Variants in OTUD7B observed in about 807,000 individuals in gnomAD.
The protein encoded by OTUD7B is OTU domain-containing protein 7B.
OTUD7B carries 34 observed loss-of-function variants against 82.2 expected under a neutral mutation model. That is an observed-to-expected ratio of 0.41 (90% CI 0.31 to 0.55). OTUD7B has a LOEUF of 0.55. Ranked by LOEUF, OTUD7B falls within the 20% of genes least tolerant of loss-of-function variation. OTUD7B has a pLI of 0.20. For synonymous variants in OTUD7B, 398 were observed against 402.7 expected, an observed-to-expected ratio of 0.99 and a Z score of 0.14; for missense variants, 944 against 1,062.1, an observed-to-expected ratio of 0.89 and a Z score of 1.55.
intron 1 of OTUD7B, among the ~76,000 whole-genome samples, chr1:149,987,482 A>G (rs587724219): frequency 1.3e-5 from 2 of 152,328 alleles, no homozygotes; most frequent in East Asian, 1.9e-4. Context: ...AAAATGGGGG[A>G]AATGTATGCA....
chr1:150,059,910 T>C, the OTUD7B span, among the ~76,000 whole-genome samples: 1 of 152,164 alleles, frequency 6.6e-6, no homozygotes, highest in Non-Finnish European at 1.5e-5. Context: ...CAATATGAAT[T>C]ACATGATCCA....
At chr1:149,965,015 C>A (rs1649432701) in intron 5 of OTUD7B, among the ~76,000 whole-genome samples, 2 of 151,440 alleles carry the variant, frequency 1.3e-5, no homozygotes, top group Admixed American at 6.6e-5. Flanking sequence ...GCCTCAGCCT[C>A]CCTAGTAGCT....
At chr1:149,962,786 G>C (rs1649247611) in intron 6 of OTUD7B, 1 of 152,130 alleles carries the variant, frequency 6.6e-6, no homozygotes, top group Admixed American at 6.6e-5. Flanking sequence ...TAAGGTTCCG[G>C]TATTATCTGA....
chr1:150,014,396 C>A (rs1249634360), upstream of OTUD7B, among the ~76,000 whole-genome samples: 528 of 116,876 alleles, frequency 4.5e-3, no homozygotes, highest in South Asian at 6.2e-3. Flanking sequence ...GAAAGTGTCT[C>A]AAAAAAAAAA....
At chr1:150,065,705 A>G in the OTUD7B span, among the ~76,000 whole-genome samples, 1 of 152,224 alleles carries the variant, frequency 6.6e-6, no homozygotes, top group African/African-American at 2.4e-5. Context: ...TTCTATTTTT[A>G]GAGGTATGGG....
rs1553771736 is a variant in OTUD7B at position 149,944,929 on chromosome 1, T to C, written c.1460A>G (p.Lys487Arg). The C allele has an allele frequency of 6.2e-7, 1 of 1,614,196 alleles. No individual in the cohort carries two copies. Among genetic ancestry groups the C allele is most frequent in the African/African-American group, 1.3e-5 (1 of 75,036 alleles). Reference protein sequence around the residue: ...TSNEGGRRKEKSKRDREKDKK... With the variant: ...TSNEGGRRKERSKRDREKDKK... ...GTCCTTCTCCCGATCTCGCTTTGAC[T>C]TCTCCTTCCGCCGGCCGCCCTCGTT... Residue 487 changes from lysine to arginine, a missense_variant, in exon 12 of 12, where the codon AAG becomes AGG. This residue lies in a region of OTUD7B where 530 missense variants were observed against 625.6 expected (regional missense o/e 0.85). Coordinates refer to ENST00000581312, the MANE Select transcript of OTUD7B (RefSeq NM_020205.4).
the OTUD7B span, chr1:150,054,269 A>G: frequency 2.1e-6 from 1 of 472,326 alleles, no homozygotes; most frequent in Non-Finnish European, 4.1e-6. Context: ...CAGTCAGCAC[A>G]TGAGAAAACT....
At chr1:150,055,448 G>C in the OTUD7B span, among the ~76,000 whole-genome samples, 2 of 152,166 alleles carry the variant, frequency 1.3e-5, no homozygotes, top group African/African-American at 4.8e-5. Context: ...ACTGTTGGTG[G>C]AGTGTAAATT....
In OTUD7B at chr1:149,944,350, GGGGGACC is replaced by G; in HGVS notation, c.2032_2038del (p.Gly678GlnfsTer148). On this transcript the variant is annotated frameshift_variant, in exon 12 of 12. Transcript: ENST00000581312. LOFTEE classifies it high-confidence loss of function. ...AAATGCCATTGCCCTGGACTCTGCT[GGGGGACC>G]GGTCGGCTGCTCTTCCCTAGCATCT... 6.2e-7 allele frequency: 1 copy of G among 1,613,378 alleles called. No homozygotes were observed. Among genetic ancestry groups the G allele is most frequent in the South Asian group, 1.1e-5 (1 of 91,004 alleles).
At chr1:149,992,250 C>A (rs891724126) in intron 1 of OTUD7B, among the ~76,000 whole-genome samples, 2 of 151,978 alleles carry the variant, frequency 1.3e-5, no homozygotes, top group Non-Finnish European at 2.9e-5. Context: ...GAAGTCATGC[C>A]AAAACCAAAT....
chr1:149,964,087 T>C (rs1260876069), intron 6 of OTUD7B, 135 bp downstream of exon 6: 28 of 994,498 alleles, frequency 2.8e-5, no homozygotes, highest in Non-Finnish European at 3.7e-5. Context: ...AACTGCATTT[T>C]CTCCAATTTT....
chr1:150,008,950 G>C (rs1041654331), intron 1 of OTUD7B, among the ~76,000 whole-genome samples: 1 of 152,096 alleles, frequency 6.6e-6, no homozygotes, highest in African/African-American at 2.4e-5. Flanking sequence ...AAATTAGAAC[G>C]GTCGGGGGTA....
At chr1:149,950,886 A>G (rs1553773288) in intron 7 of OTUD7B, among the ~76,000 whole-genome samples, 1 of 146,978 alleles carries the variant, frequency 6.8e-6, no homozygotes, top group Non-Finnish European at 1.5e-5. Context: ...CTGCCTCCCA[A>G]GTTCACGCCA....
At chr1:149,971,434 CTTAT>C (rs1649926776) in intron 2 of OTUD7B, among the ~76,000 whole-genome samples, 183 bp from the exon 3 acceptor site, 1 of 152,006 alleles carries the variant, frequency 6.6e-6, no homozygotes, top group African/African-American at 2.4e-5. Context: ...TCTTTACTTA[CTTAT>C]TTGTTGTCTA....
intron 7 of OTUD7B, among the ~76,000 whole-genome samples, chr1:149,952,490 A>C (rs587612713): frequency 4.6e-5 from 7 of 152,182 alleles, no homozygotes; most frequent in Non-Finnish European, 1.0e-4. Flanking sequence ...TGCTATTGTG[A>C]ATAGTGCCAC....
intron 8 of OTUD7B, 134 bp downstream of exon 8, chr1:149,949,960 A>T: frequency 7.5e-7 from 1 of 1,339,006 alleles, no homozygotes; most frequent in Non-Finnish European, 1.0e-6. Context: ...AGAATTTTGC[A>T]CTATTCTAAT....
the OTUD7B span, among the ~76,000 whole-genome samples, chr1:150,060,980 G>A: frequency 6.6e-6 from 1 of 151,866 alleles, no homozygotes; most frequent in Non-Finnish European, 1.5e-5. Flanking sequence ...GACTGCAGTG[G>A]AACGTTCATG....
At chr1:150,022,438 A>G in the OTUD7B span, among the ~76,000 whole-genome samples, 1 of 139,132 alleles carries the variant, frequency 7.2e-6, no homozygotes, top group African/African-American at 2.7e-5. Flanking sequence ...TACATGCTGA[A>G]GGTCTGAGGC....
the OTUD7B span, among the ~76,000 whole-genome samples, chr1:150,038,477 C>A: frequency 3.9e-5 from 6 of 151,990 alleles, no homozygotes; most frequent in Admixed American, 6.6e-5. Context: ...ATCTCCACCT[C>A]CTGGGTTCAA....
Sources: allele counts gnomAD v4.1 joint callset (sites outside exome capture counted in the v4.1 genomes callset), GRCh38; gene constraint gnomAD v4.1.1; regional missense constraint gnomAD v4.1.1; transcripts MANE v1.5; gene names NCBI Gene and HGNC (gene_info 2026-07-23, HGNC 2026-07-21).